The following WDPCP variants were observed in gnomAD, a reference collection of about 807,000 sequenced individuals.
WDPCP encodes WD repeat-containing and planar cell polarity effector protein fritz homolog.
In WDPCP, 71 loss-of-function variants were observed where a neutral mutation model predicts 93.1. That is an observed-to-expected ratio of 0.76 (90% CI 0.63 to 0.93). The LOEUF is 0.93. WDPCP is among the 40% of genes least tolerant of loss of function. The pLI is 0.00. For missense variants in WDPCP, 844 were observed against 887.4 expected (o/e 0.95, Z 0.62); for synonymous variants, 315 against 315.0 (o/e 1.00, Z 0.00).
intron 11 of WDPCP, among the ~76,000 whole-genome samples, chr2:63,380,150 T>C (rs1692179785): frequency 6.6e-6 from 1 of 152,072 alleles, no homozygotes; most frequent in Admixed American, 6.6e-5. Flanking sequence ...TCATATTTCT[T>C]CTTTAACTGT....
chr2:63,428,277 A>G (rs975479362), intron 9 of WDPCP, among the ~76,000 whole-genome samples: 1 of 152,118 alleles, frequency 6.6e-6, no homozygotes, highest in Admixed American at 6.5e-5. Context: ...GCAGAGACAC[A>G]ACAAAAAAAG....
In WDPCP at chr2:63,278,684, G is replaced by A. The variant is rs772661499; in HGVS notation, c.1813-19275C>T. On this transcript the variant is annotated intron_variant, in intron 13 of 17. Coordinates refer to ENST00000272321, the MANE Select transcript of WDPCP (RefSeq NM_015910.7). ...CTACTAAAAATACAAAAAATTAGCCGGGCATGGTGGCGGGCACCTGTAGTC... is the reference window on the plus strand; with the variant it reads ...CTACTAAAAATACAAAAAATTAGCCAGGCATGGTGGCGGGCACCTGTAGTC... 1.1e-4 allele frequency among the ~76,000 whole-genome samples: 17 copies of A among 152,112 alleles called. No homozygotes were observed. In the East Asian group the frequency reaches 1.2e-3, roughly 10 times the overall value.
chr2:63,286,753 T>G (rs1298354136), intron 13 of WDPCP, among the ~76,000 whole-genome samples: 1 of 152,262 alleles, frequency 6.6e-6, no homozygotes, highest in African/African-American at 2.4e-5. Context: ...TTTATGATGT[T>G]TAGATATTCT....
At chr2:63,230,503 A>G (rs1484101322) in intron 14 of WDPCP, among the ~76,000 whole-genome samples, 1 of 152,128 alleles carries the variant, frequency 6.6e-6, no homozygotes, top group Non-Finnish European at 1.5e-5. Context: ...ATCCTTGAGG[A>G]ATCGCCACAC....
intron 14 of WDPCP, among the ~76,000 whole-genome samples, chr2:63,199,242 T>C (rs1282552602): frequency 4.6e-5 from 7 of 152,108 alleles, no homozygotes; most frequent in Non-Finnish European, 1.0e-4. Flanking sequence ...AGCCTGACCA[T>C]GTGGTAGAAA....
Position 63,382,243 on chromosome 2 carries a change from T to C in WDPCP, c.1436-149A>G, listed in dbSNP as rs924335128. The stretch of plus-strand genomic sequence containing the variant: ...GATCTCCTTCTCAACTAATATTTGC[T>C]ATAAGATACACTGATAACAACAAAA... On this transcript the variant is annotated intron_variant, in intron 10 of 17. Coordinates refer to ENST00000272321, the MANE Select transcript of WDPCP (RefSeq NM_015910.7). The C allele has an allele frequency of 2.6e-5, 19 of 728,654 alleles. No homozygotes were observed. The South Asian group carries it at 3.2e-4, about 12-fold the overall frequency. 45.1% of individuals were successfully genotyped at this position (728,654 alleles called of 1,614,324 possible).
At chr2:63,801,660 C>T (rs1670697080) in intron 2 of WDPCP, among the ~76,000 whole-genome samples, 3 of 152,242 alleles carry the variant, frequency 2.0e-5, no homozygotes, top group South Asian at 2.1e-4. Context: ...CTGATTGGTG[C>T]GTTTTACAGA....
chr2:63,328,145 C>T (rs1438822782), intron 12 of WDPCP, among the ~76,000 whole-genome samples: 1 of 152,110 alleles, frequency 6.6e-6, no homozygotes, highest in Non-Finnish European at 1.5e-5. Flanking sequence ...CCAACCAGCA[C>T]TCTGTGTCTA....
In WDPCP at chr2:63,152,940, C is replaced by T; in HGVS notation, c.2164G>A (p.Glu722Lys). Residue 722 changes from glutamate (E) to lysine (K), a missense_variant, in exon 17 of 18, where the codon GAA becomes AAA. Coordinates refer to ENST00000272321, the MANE Select transcript of WDPCP (RefSeq NM_015910.7). ...TGTTCTCTGCCGTCTTCTCTCAGTT[C>T]TCCGTCTAAAGTAAAAGATTAAAAC... ...MTNTCNAEDG[E>K]LREDGREQEI... The T allele has an allele frequency of 6.2e-7, 1 of 1,612,698 alleles. No individual in the cohort carries two copies. The highest frequency in any genetic ancestry group is 8.5e-7 in the Non-Finnish European group (1 of 1,179,064).
intron 17 of WDPCP, among the ~76,000 whole-genome samples, chr2:63,151,254 C>T (rs1287766779): frequency 1.3e-5 from 2 of 152,136 alleles, no homozygotes; most frequent in East Asian, 3.9e-4. Context: ...CAGGGTCTTA[C>T]TCTGCTGTTG....
intron 1 of WDPCP, among the ~76,000 whole-genome samples, chr2:63,502,690 C>A (rs192784308): frequency 6.6e-6 from 1 of 151,954 alleles, no homozygotes; most frequent in Admixed American, 6.6e-5. Flanking sequence ...TAATATTAAT[C>A]CTTTGTTATG....
At chr2:63,483,566 T>A (rs1198823001) in intron 6 of WDPCP, among the ~76,000 whole-genome samples, 1 of 151,914 alleles carries the variant, frequency 6.6e-6, no homozygotes, top group Non-Finnish European at 1.5e-5. Flanking sequence ...AATGATAGTA[T>A]ATATATTCAA....
chr2:63,244,777 A>C (rs1279523560), intron 14 of WDPCP, among the ~76,000 whole-genome samples: 1 of 152,172 alleles, frequency 6.6e-6, no homozygotes, highest in Non-Finnish European at 1.5e-5. Flanking sequence ...CTTTGCTGCT[A>C]GTATGTATCC....
At chr2:63,602,154 T>A (rs958525848) in intron 3 of WDPCP, among the ~76,000 whole-genome samples, 2 of 152,212 alleles carry the variant, frequency 1.3e-5, no homozygotes, top group Non-Finnish European at 2.9e-5. Flanking sequence ...AAACATAAAT[T>A]TTTAAGTAAA....
chr2:63,172,462 C>T (rs537499580), intron 15 of WDPCP, among the ~76,000 whole-genome samples: 2 of 152,162 alleles, frequency 1.3e-5, no homozygotes, highest in East Asian at 1.9e-4. Context: ...AAGCCATGAT[C>T]GCACCACTGC....
chr2:63,174,697 T>C lies in WDPCP; in HGVS notation c.2051A>G (p.Gln684Arg), dbSNP rs1325947677. ...SCPTHRHILQ[Q>R]RILNGSSNRQ... is the part of the protein sequence containing the mutation. ...GTTAGAAGAGCCATTCAGTATTCTT[T>C]GTTGTAAAATATGTCTGTGGGTTGG... The change falls in exon 15 of 18, where the codon CAA becomes CGA. Residue 684 changes from glutamine (Q) to arginine (R), a missense_variant. Gln to Arg is a conservative substitution (Grantham distance 43, BLOSUM62 1). Transcript: ENST00000272321. The C allele has an allele frequency of 9.9e-6, 16 of 1,613,864 alleles. No individual in the cohort carries two copies. Among genetic ancestry groups the C allele is most frequent in the African/African-American group, 1.3e-5 (1 of 74,916 alleles).
At chr2:63,751,742 G>T in intron 2 of WDPCP, 2 of 566,640 alleles carry the variant, frequency 3.5e-6, no homozygotes, top group Non-Finnish European at 6.7e-6. Flanking sequence ...AATTGACATA[G>T]TCACCTTGGT....
At chr2:63,611,346 C>T (rs1160026375) in intron 3 of WDPCP, among the ~76,000 whole-genome samples, 1 of 151,944 alleles carries the variant, frequency 6.6e-6, no homozygotes, top group Non-Finnish European at 1.5e-5. Flanking sequence ...TTTTTTAATA[C>T]TGTTGAATCT....
At chr2:63,674,847 G>C (rs535123557) in intron 2 of WDPCP, among the ~76,000 whole-genome samples, 81 of 152,256 alleles carry the variant, frequency 5.3e-4, no homozygotes, top group Non-Finnish European at 9.7e-4. Context: ...AGCTCAGTAA[G>C]TTTGGTTTAA....
Sources: allele counts gnomAD v4.1 joint callset (sites outside exome capture counted in the v4.1 genomes callset), GRCh38; gene constraint gnomAD v4.1.1; transcripts MANE v1.5; gene names NCBI Gene and HGNC (gene_info 2026-07-23, HGNC 2026-07-21).